SARDH: variants seen among roughly 807,000 people sequenced by gnomAD.
SARDH encodes the protein sarcosine dehydrogenase, also known as sarcosine dehydrogenase, mitochondrial.
A neutral mutation model predicts 109.1 loss-of-function variants in SARDH; 95 were observed. That is an observed-to-expected ratio of 0.87 (90% CI 0.74 to 1.03). SARDH has a LOEUF of 1.03. Ranked by LOEUF, SARDH falls within the 50% of genes least tolerant of loss-of-function variation. The pLI is 0.00. For synonymous variants in SARDH, 572 were observed against 534.8 expected (o/e 1.07, Z -0.96); for missense variants, 1,267 against 1,287.8 (o/e 0.98, Z 0.25).
In SARDH at chr9:133,693,120, C is replaced by A. The variant is rs899988826; in HGVS notation, c.1921+1138G>T. Among the ~76,000 whole-genome samples the A allele has an allele frequency of 9.9e-5, 15 of 151,452 alleles. No homozygotes were observed. The highest frequency in any genetic ancestry group is 4.4e-5 in the Non-Finnish European group (3 of 67,882). On this transcript the variant is annotated intron_variant, in intron 15 of 20. Transcript: ENST00000439388. This position sits in a 1 kb window ranked among gnomAD's most constrained non-coding sequence, Gnocchi z 5.6. ...TCATTTTTCCTCTTGACCCATCTAA[C>A]ATCCTACACCTTCCACTTATTTTAT...
chr9:133,727,350 A>G lies in SARDH; in HGVS notation c.915+2415T>C, dbSNP rs543984735. On this transcript the variant is annotated intron_variant, in intron 6 of 20. Coordinates refer to ENST00000439388, the MANE Select transcript of SARDH (RefSeq NM_001134707.2). ...TGCCAGCTGGAGCCCCCAGGCCCCA[A>G]TGTGTGTGGCTGTGTCTGATCAGGG... 9.8e-5 allele frequency among the ~76,000 whole-genome samples: 15 copies of G among 152,304 alleles called. No homozygotes were observed. In the East Asian group the frequency reaches 2.1e-3, roughly 22 times the overall value.
At chr9:133,688,171 G>A (rs923234004) in intron 16 of SARDH, among the ~76,000 whole-genome samples, 1 of 152,140 alleles carries the variant, frequency 6.6e-6, no homozygotes, top group East Asian at 1.9e-4. Context: ...AGATGCGGAG[G>A]TTGGGGTCAC....
At chr9:133,674,685 C>T (rs1830458511) in intron 17 of SARDH, among the ~76,000 whole-genome samples, 1 of 152,214 alleles carries the variant, frequency 6.6e-6, no homozygotes, top group Admixed American at 6.5e-5. Flanking sequence ...CCGATAGCCA[C>T]ATGCAGAAGC....
intron 16 of SARDH, among the ~76,000 whole-genome samples, chr9:133,685,679 A>G (rs1830860780): frequency 6.6e-6 from 1 of 152,204 alleles, no homozygotes; most frequent in Non-Finnish European, 1.5e-5. Context: ...AGGCCTCTCC[A>G]GGTTTCCAAC....
chr9:133,733,542 G>A (rs1014959848), intron 2 of SARDH, among the ~76,000 whole-genome samples: 3 of 152,182 alleles, frequency 2.0e-5, no homozygotes, highest in Non-Finnish European at 2.9e-5. Context: ...TGGTGGCTCT[G>A]TCCAGGAAAG....
chr9:133,687,439 T>C (rs1429939937), intron 16 of SARDH, among the ~76,000 whole-genome samples: 1 of 152,124 alleles, frequency 6.6e-6, no homozygotes, highest in African/African-American at 2.4e-5. Context: ...CTGAGCTAAT[T>C]GAAAAATTTT....
Position 133,696,204 on chromosome 9 carries a change from C to A in SARDH, c.1807+19G>T, listed in dbSNP as rs377037119. 7.3e-5 allele frequency: 117 copies of A among 1,612,710 alleles called. No individual in the cohort carries two copies. The highest frequency in any genetic ancestry group is 3.3e-4 in the Middle Eastern group (2 of 6,080). On this transcript the variant is annotated intron_variant, in intron 14 of 20. Coordinates refer to ENST00000439388, the MANE Select transcript of SARDH (RefSeq NM_001134707.2). ...CCATGGAGTGACAGGAACATGCCCC[C>A]CAACCTCAGGCTCCATACCTGGGGG...
intron 6 of SARDH, among the ~76,000 whole-genome samples, chr9:133,722,771 T>C (rs1199015752): frequency 6.6e-6 from 1 of 151,864 alleles, no homozygotes; most frequent in African/African-American, 2.4e-5. Context: ...ACCTCCTGGG[T>C]TCAAGTGATT....
chr9:133,684,660 G>T (rs1349642623), intron 17 of SARDH, among the ~76,000 whole-genome samples: 2 of 152,198 alleles, frequency 1.3e-5, no homozygotes, highest in African/African-American at 4.8e-5. Context: ...ACGGGCTCTG[G>T]CCCCCAGGAT....
chr9:133,685,338 TG>T, intron 16 of SARDH, 52 bp from the exon 17 acceptor site: 1 of 1,537,696 alleles, frequency 6.5e-7, no homozygotes, highest in Admixed American at 1.9e-5. Context: ...GGGTGGGGCC[TG>T]GGCAGGAAAG....
downstream of SARDH, among the ~76,000 whole-genome samples, chr9:133,661,063 G>T (rs1832405651): frequency 1.3e-5 from 2 of 152,130 alleles, no homozygotes; most frequent in African/African-American, 4.8e-5. Flanking sequence ...ATTAGGGCTG[G>T]GCGCGGTGGC....
chr9:133,734,759 G>A (rs1350058569), intron 1 of SARDH, among the ~76,000 whole-genome samples: 5 of 152,208 alleles, frequency 3.3e-5, no homozygotes, highest in African/African-American at 1.2e-4. Flanking sequence ...CTGGAAAGGA[G>A]GGGCTCCGGT....
chr9:133,733,786 T>G, intron 2 of SARDH, 57 bp downstream of exon 2: 3 of 1,374,134 alleles, frequency 2.2e-6, no homozygotes, highest in Non-Finnish European at 2.9e-6. Context: ...AGCAATGGGC[T>G]GTGGCCCCTC....
chr9:133,700,477 T>A (rs1241618433), intron 13 of SARDH, among the ~76,000 whole-genome samples: 1 of 152,198 alleles, frequency 6.6e-6, no homozygotes, highest in Non-Finnish European at 1.5e-5. Context: ...TGATTCTACT[T>A]ACGTGAAACG....
chr9:133,706,152 G>A (rs989713512), intron 11 of SARDH, among the ~76,000 whole-genome samples: 3 of 152,198 alleles, frequency 2.0e-5, no homozygotes, highest in South Asian at 2.1e-4. Context: ...AACAAATTCC[G>A]TTCACGCATG....
Position 133,731,443 on chromosome 9 carries a change from CG to C in SARDH, c.551del (p.Pro184ArgfsTer10). 6.2e-7 allele frequency: 1 copy of C among 1,614,140 alleles called. No homozygotes were observed. The highest frequency in any genetic ancestry group is 8.5e-7 in the Non-Finnish European group (1 of 1,180,012). ...GCGGGTACAGAGTCTTGGTCTCTGCCGGGCTCAGCACATGGGATTCCACACC... is the reference window on the plus strand; with the variant it reads ...GCGGGTACAGAGTCTTGGTCTCTGCCGGCTCAGCACATGGGATTCCACACC... ...AYGVESHVLS[P>X]AETKTLYPLM... On this transcript the variant is annotated frameshift_variant, in exon 4 of 21. Coordinates refer to ENST00000439388, the MANE Select transcript of SARDH (RefSeq NM_001134707.2). LOFTEE classifies it high-confidence loss of function.
chr9:133,728,976 C>T lies in SARDH; in HGVS notation c.915+789G>A, dbSNP rs1050571324. On this transcript the variant is annotated intron_variant, in intron 6 of 20. Transcript: ENST00000439388. This position sits in a 1 kb window ranked among gnomAD's most constrained non-coding sequence, Gnocchi z 5.0. ...AATAGATAGATGGAGAGATGGAGGA[C>T]GGAAGAATGGATGGCGAGATGGCAA... Among the ~76,000 whole-genome samples the T allele has an allele frequency of 1.0e-4, 15 of 143,130 alleles. No individual in the cohort carries two copies. The South Asian group carries it at 2.0e-3, about 19-fold the overall frequency. 93.9% of individuals were successfully genotyped at this position (143,130 alleles called of 152,430 possible). A position where few individuals can be genotyped will look rare whatever the true frequency, so the allele number is the denominator to read the frequency against.
intron 16 of SARDH, among the ~76,000 whole-genome samples, chr9:133,689,328 C>T (rs1026280505): frequency 6.6e-6 from 1 of 152,142 alleles, no homozygotes; most frequent in Non-Finnish European, 1.5e-5. Flanking sequence ...CCTGCCCAGT[C>T]CAGCAGAGCC....
Position 133,707,228 on chromosome 9 carries a change from C to T in SARDH, c.1470+1059G>A, listed in dbSNP as rs79105233. 8.8e-3 allele frequency among the ~76,000 whole-genome samples: 1,343 copies of T among 152,320 alleles called. 16 individuals are homozygous for T. The highest frequency in any genetic ancestry group is 0.03 in the African/African-American group (1,240 of 41,580). On this transcript the variant is annotated intron_variant, in intron 11 of 20. Transcript: ENST00000439388. ...TGCTTCAGCCCTTGCCAAGTTTCTT[C>T]GGTAGAGCTGCTCAGTTCTGAGGAA...
Sources: gnomAD v4.1 joint callset for allele counts (sites outside exome capture counted in the v4.1 genomes callset) on GRCh38, gnomAD v4.1.1 for gene constraint, Gnocchi (gnomAD v3.1) non-coding constraint, MANE v1.5 for transcripts, NCBI Gene and HGNC (gene_info 2026-07-23, HGNC 2026-07-21) for gene names.